PLD5: variants seen among roughly 807,000 people sequenced by gnomAD.
PLD5 encodes phospholipase D family member 5, also known as inactive phospholipase D5.
In PLD5, 36 loss-of-function variants were observed where a neutral mutation model predicts 61.1. The ratio of observed to expected loss-of-function variants is 0.59; its 90% CI spans 0.45 to 0.78. The LOEUF (loss-of-function observed/expected upper bound fraction) is 0.78, where lower values mean the gene tolerates loss of function less well. Ranked by LOEUF, PLD5 falls within the 30% of genes least tolerant of loss-of-function variation. PLD5 has a pLI of 0.00. For missense variants in PLD5, 515 were observed against 644.4 expected (o/e 0.80, Z 2.17); for synonymous variants, 243 against 242.8 (o/e 1.00, Z -0.01).
At chr1:242,336,004 A>G (rs1481377412) in intron 2 of PLD5, among the ~76,000 whole-genome samples, 1 of 152,180 alleles carries the variant, frequency 6.6e-6, no homozygotes, top group East Asian at 1.9e-4. Context: ...CTATCAAACC[A>G]TATTTCTCCT....
At chr1:242,345,928 T>C (rs888886850) in intron 2 of PLD5, among the ~76,000 whole-genome samples, 8 of 151,038 alleles carry the variant, frequency 5.3e-5, no homozygotes, top group African/African-American at 7.3e-5. Flanking sequence ...TTGTAATGTC[T>C]GAGAATGCAG....
intron 3 of PLD5, among the ~76,000 whole-genome samples, chr1:242,274,364 C>T (rs1029714080): frequency 6.6e-6 from 1 of 152,176 alleles, no homozygotes; most frequent in African/African-American, 2.4e-5. Flanking sequence ...CCAGCCTGGA[C>T]AACATAGTGA....
At chr1:242,398,194 A>G (rs892926727) in intron 1 of PLD5, among the ~76,000 whole-genome samples, 4 of 152,212 alleles carry the variant, frequency 2.6e-5, no homozygotes, top group Non-Finnish European at 5.9e-5. Flanking sequence ...TCCTAAGTGT[A>G]TTGAGGTCCC....
intron 1 of PLD5, among the ~76,000 whole-genome samples, chr1:242,466,892 CAA>C (rs10716134): frequency 5.9e-4 from 84 of 141,624 alleles, no homozygotes; most frequent in Admixed American, 7.0e-4. Context: ...GACTCCATCT[CAA>C]AAAAAAAAAA....
chr1:242,252,349 C>G (rs1276458324), intron 4 of PLD5, among the ~76,000 whole-genome samples: 8 of 152,152 alleles, frequency 5.3e-5, no homozygotes, highest in Non-Finnish European at 1.2e-4. Context: ...GGATCTTACT[C>G]ACTCATGAGG....
intron 1 of PLD5, among the ~76,000 whole-genome samples, chr1:242,465,120 A>G (rs754942642): frequency 4.3e-4 from 65 of 152,230 alleles, no homozygotes; most frequent in Non-Finnish European, 8.2e-4. Flanking sequence ...TGAATTGTAC[A>G]TTGAAATGGC....
intron 1 of PLD5, among the ~76,000 whole-genome samples, chr1:242,452,837 G>A (rs1050539759): frequency 1.3e-5 from 2 of 151,128 alleles, no homozygotes; most frequent in South Asian, 2.1e-4. Context: ...GTGGACATCC[G>A]GAAAGCCAGT....
chr1:242,337,495 G>A (rs1477266793), intron 2 of PLD5, among the ~76,000 whole-genome samples: 2 of 152,118 alleles, frequency 1.3e-5, no homozygotes, highest in Admixed American at 6.5e-5. Context: ...GCTGGGTATG[G>A]TGGTGGGTGC....
chr1:242,306,788 CA>C (rs1558449171), intron 2 of PLD5, among the ~76,000 whole-genome samples: 3 of 44,162 alleles, frequency 6.8e-5, no homozygotes, highest in Non-Finnish European at 1.4e-4. Context: ...CACACACACA[CA>C]CACCCCACTT....
chr1:242,398,908 A>ACAAC (rs1469798394), intron 1 of PLD5, among the ~76,000 whole-genome samples: 2 of 152,180 alleles, frequency 1.3e-5, no homozygotes, highest in Admixed American at 6.5e-5. Flanking sequence ...AATTTTAAGG[A>ACAAC]TTGAAGTTGT....
intron 1 of PLD5, among the ~76,000 whole-genome samples, chr1:242,486,646 A>G (rs1225799524): frequency 6.6e-6 from 1 of 152,108 alleles, no homozygotes; most frequent in East Asian, 1.9e-4. Context: ...TGTGGAAGTC[A>G]GTGTGGCGAT....
chr1:242,524,202 G>A lies in PLD5; in HGVS notation c.75C>T (p.Arg25=). 2.0e-6 allele frequency: 3 copies of A among 1,533,762 alleles called. No individual in the cohort carries two copies. Among genetic ancestry groups the A allele is most frequent in the Non-Finnish European group, 1.7e-6 (2 of 1,145,786 alleles). ...EGFEQMRLKS[R]PKEPSPSLTR... is the part of the protein sequence containing the mutation. ...TCAGGCTTGGGGAGGGCTCCTTGGGGCGGCTTTTGAGCCTCATCTGCTCGA... is the reference window on the plus strand; with the variant it reads ...TCAGGCTTGGGGAGGGCTCCTTGGGACGGCTTTTGAGCCTCATCTGCTCGA... Residue 25 remains arginine, a synonymous_variant, in exon 1 of 10, where the codon CGC becomes CGT. Transcript: ENST00000536534.
chr1:242,491,701 A>C (rs1053413301), intron 1 of PLD5, among the ~76,000 whole-genome samples: 1 of 152,124 alleles, frequency 6.6e-6, no homozygotes, highest in African/African-American at 2.4e-5. Flanking sequence ...TTTCTCCTGA[A>C]ACTCAGTCTT....
intron 5 of PLD5, among the ~76,000 whole-genome samples, chr1:242,218,368 C>CA (rs1484315263): frequency 1.3e-5 from 2 of 152,030 alleles, no homozygotes; most frequent in South Asian, 2.1e-4. Flanking sequence ...ACTGGGAATC[C>CA]AAAAAAATTG....
chr1:242,148,043 C>G (rs1664657893), intron 5 of PLD5, among the ~76,000 whole-genome samples: 1 of 152,088 alleles, frequency 6.6e-6, no homozygotes, highest in Non-Finnish European at 1.5e-5. Flanking sequence ...TGTATCCATC[C>G]TTTCCCTTAT....
intron 1 of PLD5, among the ~76,000 whole-genome samples, chr1:242,409,086 GA>G (rs1198217889): frequency 6.6e-6 from 1 of 151,250 alleles, no homozygotes; most frequent in Non-Finnish European, 1.5e-5. Context: ...GAAAAGAAAA[GA>G]AAAGAAAAGA....
intron 5 of PLD5, among the ~76,000 whole-genome samples, chr1:242,187,210 CTG>C (rs1327987062): frequency 6.6e-6 from 1 of 152,196 alleles, no homozygotes; most frequent in Non-Finnish European, 1.5e-5. Flanking sequence ...GGAAAAATTG[CTG>C]TGTCTTCTCC....
chr1:242,139,875 A>AG (rs1213946709), intron 5 of PLD5, among the ~76,000 whole-genome samples: 1 of 152,222 alleles, frequency 6.6e-6, no homozygotes, highest in Non-Finnish European at 1.5e-5. Flanking sequence ...CCGCTTGGCC[A>AG]GGGATGCTAC....
chr1:242,385,457 T>C (rs549090707), intron 1 of PLD5, among the ~76,000 whole-genome samples: 1 of 152,182 alleles, frequency 6.6e-6, no homozygotes, highest in Non-Finnish European at 1.5e-5. Context: ...CCTTTCCACC[T>C]CCACATTCTC....
Sources: gnomAD v4.1 joint callset for allele counts (sites outside exome capture counted in the v4.1 genomes callset) on GRCh38, gnomAD v4.1.1 for gene constraint, MANE v1.5 for transcripts, NCBI Gene and HGNC (gene_info 2026-07-23, HGNC 2026-07-21) for gene names.